Variants in TACC1 observed in about 807,000 individuals in gnomAD.
TACC1 encodes transforming acidic coiled-coil containing protein 1, also known as transforming acidic coiled-coil-containing protein 1.
A neutral mutation model predicts 84.4 loss-of-function variants in TACC1; 48 were observed. The observed-to-expected ratio is 0.57, with a 90% CI of 0.45 to 0.72. TACC1 has a LOEUF of 0.72. Ranked by LOEUF, TACC1 falls within the 30% of genes least tolerant of loss-of-function variation. The pLI, the probability that TACC1 is intolerant of heterozygous loss-of-function variation, is 0.00. For synonymous variants in TACC1, 372 were observed against 376.3 expected, an observed-to-expected ratio of 0.99 and a Z score of 0.13; for missense variants, 920 against 973.0, an observed-to-expected ratio of 0.95 and a Z score of 0.72.
chr8:38,819,998 G>T lies in TACC1; in HGVS notation c.754G>T (p.Ala252Ser). ...TGGAGGAGAGTTCTCAGACACCAAC[G>T]CTGCTGTGGAGGGCACACCTCTCCC... The part of the protein sequence containing the change: ...AIGGEFSDTN[A>S]AVEGTPLPKA... The change falls in exon 3 of 13, where the codon GCT becomes TCT. Residue 252 changes from alanine to serine, a missense_variant. Physicochemically the swap from Ala to Ser is moderately conservative, Grantham distance 99 (BLOSUM62 1). Around this residue, in one of 2 missense-constraint regions of TACC1, gnomAD observed 762 missense variants for 747.3 expected, o/e 1.02. Transcript: ENST00000317827. 1 of 1,613,968 alleles carries T rather than the reference G, an allele frequency of 6.2e-7. No individual in the cohort carries two copies. Among genetic ancestry groups the T allele is most frequent in the Non-Finnish European group, 8.5e-7 (1 of 1,180,034 alleles).
chr8:38,819,624 T>C lies in TACC1; in HGVS notation c.380T>C (p.Ile127Thr). Residue 127 changes from isoleucine to threonine, a missense_variant, in exon 3 of 13, where the codon ATT (isoleucine) becomes ACT (threonine). Ile to Thr is a moderately conservative substitution (Grantham distance 89, BLOSUM62 -1). Around this residue, in one of 2 missense-constraint regions of TACC1, gnomAD observed 762 missense variants for 747.3 expected, o/e 1.02. Transcript: ENST00000317827. ...PSENEVPQQA[I>T]DSHSVKNFRE... is the part of the protein sequence containing the mutation. ...GAAAATGAAGTGCCACAGCAGGCCA[T>C]TGACTCTCACTCAGTCAAGAATTTC... is the stretch of plus-strand genomic sequence containing the variant. The C allele has an allele frequency of 2.5e-6, 4 of 1,614,238 alleles. No homozygotes were observed. The highest frequency in any genetic ancestry group is 3.4e-6 in the Non-Finnish European group (4 of 1,180,036).
intron 2 of TACC1, among the ~76,000 whole-genome samples, chr8:38,744,370 C>T (rs1807661508): frequency 6.6e-6 from 1 of 152,172 alleles, no homozygotes; most frequent in African/African-American, 2.4e-5. Flanking sequence ...CCCGTCTCAG[C>T]CTCCCAAAGT....
chr8:38,818,540 C>T (rs1053514851), intron 2 of TACC1, among the ~76,000 whole-genome samples: 3 of 152,070 alleles, frequency 2.0e-5, no homozygotes, highest in Non-Finnish European at 4.4e-5. Context: ...ATTCCTGGTC[C>T]GACTTAGAGA....
At chr8:38,824,418 A>G (rs987381213) in intron 3 of TACC1, among the ~76,000 whole-genome samples, 4 of 152,170 alleles carry the variant, frequency 2.6e-5, no homozygotes, top group African/African-American at 9.7e-5. Flanking sequence ...AATAAATTTT[A>G]CTGAGTCAGC....
chr8:38,732,467 A>G (rs1805153700), intron 1 of TACC1, among the ~76,000 whole-genome samples: 1 of 152,212 alleles, frequency 6.6e-6, no homozygotes, highest in Admixed American at 6.5e-5. Flanking sequence ...CTTACAAAAG[A>G]ATTGTGTGGC....
rs113388897 is a variant in TACC1, at chr8:38,737,381, C to T, written c.-674-4970C>T. ...GAAACAACACTGGGGACAGTGGCTT[C>T]GCTCAGTGCCACTCACAGTGCCAGT... On this transcript the variant is annotated intron_variant, in intron 1 of 14. Transcript: ENST00000518415. 1.7e-4 allele frequency among the ~76,000 whole-genome samples: 26 copies of T among 152,346 alleles called. 1 individual carries two copies. Among genetic ancestry groups the T allele is most frequent in the African/African-American group, 4.6e-4 (19 of 41,582 alleles).
chr8:38,742,479 A>T, intron 2 of TACC1: 1 of 1,494,048 alleles, frequency 6.7e-7, no homozygotes, highest in Non-Finnish European at 9.0e-7. Context: ...CATTGAATAT[A>T]CCTGGGATGG....
chr8:38,803,462 TATC>T lies in TACC1; in HGVS notation c.277+14646_277+14648del, dbSNP rs1372260501. Reference sequence around the variant, plus strand: ...CTAGTCCTAGTTTGCTTAGTGTTTTTATCATAAAAGAGTGTTGGATTTTGTCAA... The same window carrying T: ...CTAGTCCTAGTTTGCTTAGTGTTTTTATAAAAGAGTGTTGGATTTTGTCAA... On this transcript the variant is annotated intron_variant, in intron 2 of 12. Coordinates refer to ENST00000317827, the MANE Select transcript of TACC1 (RefSeq NM_006283.3). Among the ~76,000 whole-genome samples the T allele has an allele frequency of 1.3e-5, 2 of 152,236 alleles. 1 individual carries two copies. The highest frequency in any genetic ancestry group is 4.8e-5 in the African/African-American group (2 of 41,454).
intron 1 of TACC1, among the ~76,000 whole-genome samples, chr8:38,739,190 T>C (rs925710038): frequency 6.6e-6 from 1 of 152,226 alleles, no homozygotes; most frequent in Non-Finnish European, 1.5e-5. Flanking sequence ...TGTGCTGACT[T>C]CTATGTGTAA....
intron 3 of TACC1, among the ~76,000 whole-genome samples, chr8:38,747,941 A>G (rs774772970): frequency 2.0e-5 from 3 of 152,162 alleles, no homozygotes; most frequent in Non-Finnish European, 2.9e-5. Context: ...TGGGGAGGCC[A>G]TATGTGTAGG....
At chr8:38,783,327 G>A (rs1816503837), upstream of TACC1, among the ~76,000 whole-genome samples, 1 of 151,878 alleles carries the variant, frequency 6.6e-6, no homozygotes, top group African/African-American at 2.4e-5. Flanking sequence ...TCTGGGCAAG[G>A]GTCTTTCAGC....
chr8:38,748,953 C>A (rs1808534011), intron 3 of TACC1, among the ~76,000 whole-genome samples: 3 of 149,890 alleles, frequency 2.0e-5, no homozygotes, highest in African/African-American at 4.9e-5. Flanking sequence ...TGACAGACAT[C>A]AATGAATTAG....
At position 38,850,681 on chromosome 8, in the gene TACC1, T is replaced by A. The variant is rs536382402; in HGVS notation, c.*2658T>A. On this transcript the variant is annotated 3_prime_UTR_variant, in exon 13 of 13. Coordinates refer to ENST00000317827, the MANE Select transcript of TACC1 (RefSeq NM_006283.3). ...GCACGTGCCTGTGGTCCCAGCTACT[T>A]GGGAGGCTGAGGTGGGAGCCTGGGA... 6.9e-6 allele frequency: 1 copy of A among 145,720 alleles called. No homozygotes were observed. The highest frequency in any genetic ancestry group is 2.1e-4 in the East Asian group (1 of 4,872). 9.0% of individuals were successfully genotyped at this position (145,720 alleles called of 1,614,324 possible).
intron 2 of TACC1, among the ~76,000 whole-genome samples, chr8:38,800,137 G>A (rs34490523): frequency 0.29 from 43,794 of 152,138 alleles, 7,082 homozygotes; most frequent in Non-Finnish European, 0.37. Context: ...CTCCAGCCTG[G>A]ACAACAGAGC....
chr8:38,730,409 A>T (rs984873319), intron 1 of TACC1, among the ~76,000 whole-genome samples: 4 of 152,264 alleles, frequency 2.6e-5, no homozygotes, highest in African/African-American at 9.6e-5. Context: ...GCTCACGGTT[A>T]TGAACTACAT....
rs145292598 is a variant in TACC1, at chr8:38,736,412, C to A, written c.-674-5939C>A. 5.9e-3 allele frequency among the ~76,000 whole-genome samples: 896 copies of A among 152,134 alleles called. 7 individuals carry two copies. Among genetic ancestry groups the A allele is most frequent in the African/African-American group, 0.021 (862 of 41,504 alleles). ...GGAGGATTGCTTGAGCCCAGGAGTT[C>A]AAGATTAGCCTGGGCAACACAGTGA... On this transcript the variant is annotated intron_variant, in intron 1 of 14. Transcript: ENST00000518415.
At chr8:38,793,648 G>T (rs755563311) in intron 2 of TACC1, among the ~76,000 whole-genome samples, 18 of 151,886 alleles carry the variant, frequency 1.2e-4, no homozygotes, top group Non-Finnish European at 1.6e-4. Flanking sequence ...TTGCTATGTT[G>T]CCCAGGCTGA....
intron 3 of TACC1, among the ~76,000 whole-genome samples, chr8:38,780,610 T>C (rs1052563888): frequency 1.3e-5 from 2 of 150,724 alleles, no homozygotes; most frequent in African/African-American, 4.9e-5. Flanking sequence ...TTCACTCTTC[T>C]TGTTGGTGTT....
At chr8:38,743,813 G>A (rs988927343) in intron 2 of TACC1, among the ~76,000 whole-genome samples, 5 of 152,274 alleles carry the variant, frequency 3.3e-5, no homozygotes, top group Non-Finnish European at 5.9e-5. Flanking sequence ...CTTGAGCCCA[G>A]GAGTTGGAGG....
Sources: allele counts gnomAD v4.1 joint callset (sites outside exome capture counted in the v4.1 genomes callset), GRCh38; gene constraint gnomAD v4.1.1; regional missense constraint gnomAD v4.1.1; transcripts MANE v1.5; gene names NCBI Gene and HGNC (gene_info 2026-07-23, HGNC 2026-07-21).